The following ZNF75D variants were observed in gnomAD, a reference collection of about 807,000 sequenced individuals.
ZNF75D encodes zinc finger protein 75.
Under a neutral mutation model 33.3 loss-of-function variants are expected in ZNF75D, and 33 were observed. The observed-to-expected ratio is 0.99, with a 90% CI of 0.75 to 1.32. ZNF75D has a LOEUF of 1.32. Among genes scored for constraint, ZNF75D ranks in the 40% most tolerant of loss-of-function variants. The probability of loss-of-function intolerance (pLI) is 0.00; values close to 1 mark genes in which losing one functional copy is unlikely to be tolerated. For missense variants in ZNF75D, 338 were observed against 367.5 expected (o/e 0.92, Z 0.66); for synonymous variants, 113 against 130.6 (o/e 0.87, Z 0.92).
chrX:135,271,777 T>A (rs1466626455), intron 1 of ZNF75D, among the ~76,000 whole-genome samples: 1 of 111,759 alleles, frequency 8.9e-6, no homozygotes, highest in East Asian at 2.8e-4. Flanking sequence ...CTCACCACCC[T>A]GGGAGGAGGA....
intron 1 of ZNF75D, among the ~76,000 whole-genome samples, chrX:135,334,659 G>C (rs1234654027): frequency 9.0e-6 from 1 of 111,114 alleles, no homozygotes; most frequent in Non-Finnish European, 1.9e-5. Context: ...CTTCAAGCTA[G>C]TGCCAGCTTG....
intron 6 of ZNF75D, among the ~76,000 whole-genome samples, chrX:135,290,736 T>C (rs2084026303): frequency 1.8e-5 from 2 of 112,696 alleles, no homozygotes; most frequent in Admixed American, 9.4e-5. Flanking sequence ...CATGCTTTTA[T>C]GTTTTTTAGA....
At chrX:135,322,597 A>C (rs1199154812) in intron 1 of ZNF75D, among the ~76,000 whole-genome samples, 1 of 112,399 alleles carries the variant, frequency 8.9e-6, no homozygotes, top group Non-Finnish European at 1.9e-5. Flanking sequence ...ATAGATACAG[A>C]TAATGGGTTT....
At chrX:135,310,794 C>T (rs141936199) in intron 1 of ZNF75D, among the ~76,000 whole-genome samples, 2,452 of 111,388 alleles carry the variant, frequency 0.022, 34 homozygotes, top group Non-Finnish European at 0.033. Context: ...GTCCATTTAA[C>T]TCTCCTCCCT....
intron 1 of ZNF75D, among the ~76,000 whole-genome samples, chrX:135,321,843 T>C (rs1350175486): frequency 8.9e-6 from 1 of 112,021 alleles, no homozygotes; most frequent in African/African-American, 3.2e-5. Flanking sequence ...TTTGCATAAC[T>C]TCGGTAATAG....
intron 1 of ZNF75D, among the ~76,000 whole-genome samples, chrX:135,315,373 C>T (rs2084407346): frequency 8.9e-6 from 1 of 111,883 alleles, no homozygotes; most frequent in African/African-American, 3.2e-5. Context: ...ATACTCTATC[C>T]TGGAGAATGT....
intron 1 of ZNF75D, among the ~76,000 whole-genome samples, chrX:135,325,942 C>T (rs1347915476): frequency 8.9e-6 from 1 of 112,785 alleles, no homozygotes; most frequent in African/African-American, 3.2e-5. Flanking sequence ...ACGTGGAGAA[C>T]CTTTATGTCT....
chrX:135,329,120 C>T, intron 1 of ZNF75D, among the ~76,000 whole-genome samples: 1 of 112,293 alleles, frequency 8.9e-6, no homozygotes, highest in Non-Finnish European at 1.9e-5. Context: ...GAACTTCCAT[C>T]ATCACTATGC....
chrX:135,263,841 C>T (rs782040899), intron 1 of ZNF75D, among the ~76,000 whole-genome samples: 1 of 112,536 alleles, frequency 8.9e-6, no homozygotes, highest in Admixed American at 9.3e-5. Context: ...CAACCAGTCC[C>T]AGTGAGATGA....
intron 1 of ZNF75D, among the ~76,000 whole-genome samples, chrX:135,337,952 G>A (rs2084735550): frequency 9.0e-6 from 1 of 110,500 alleles, no homozygotes; most frequent in South Asian, 3.9e-4. Context: ...GAAAGATGAT[G>A]CAATTTGAGG....
In ZNF75D at chrX:135,342,395, A is replaced by C. The variant is rs1454538296; in HGVS notation, c.-1018T>G. 5 of 112,163 alleles carry C rather than the reference A, an allele frequency of 4.5e-5. No homozygotes were observed. Among genetic ancestry groups the C allele is most frequent in the Non-Finnish European group, 9.4e-5 (5 of 53,231 alleles). The allele number at this position is 112,163 out of a possible 1,213,427, so 9.2% of individuals were successfully genotyped here. On this transcript the variant is annotated 5_prime_UTR_variant, in exon 1 of 7. The change creates a new upstream start codon in the 5' untranslated region. Coordinates refer to ENST00000370766, the MANE Select transcript of ZNF75D (RefSeq NM_007131.5). ...AAATTATGACAGGAATCTGCGTGTA[A>C]ATCTTCAATAGAAAACCAGAGTCTG...
chrX:135,332,132 CAAG>C (rs1183022707), intron 1 of ZNF75D, among the ~76,000 whole-genome samples: 3 of 111,133 alleles, frequency 2.7e-5, no homozygotes, highest in African/African-American at 9.8e-5. Context: ...GCAGGTAGGC[CAAG>C]AAGGAGTAAA....
chrX:135,275,122 AG>A (rs2083895117), intron 1 of ZNF75D, among the ~76,000 whole-genome samples: 1 of 112,811 alleles, frequency 8.9e-6, no homozygotes, highest in Non-Finnish European at 1.9e-5. Context: ...ATGTAGAAAA[AG>A]TTAAGATAAT....
intron 1 of ZNF75D, among the ~76,000 whole-genome samples, chrX:135,339,537 C>A (rs911062913): frequency 8.9e-6 from 1 of 112,448 alleles, no homozygotes; most frequent in Admixed American, 9.3e-5. Context: ...GGATGTGGGG[C>A]AGCATGCCAT....
intron 1 of ZNF75D, among the ~76,000 whole-genome samples, chrX:135,306,834 T>G (rs1272658478): frequency 8.9e-6 from 1 of 112,335 alleles, no homozygotes; most frequent in Non-Finnish European, 1.9e-5. Context: ...ATTTCTATGA[T>G]ATTCCCTATT....
Position 135,287,689 on chromosome X carries a change from C to T in ZNF75D, c.981G>A (p.Gln327=). The stretch of plus-strand genomic sequence containing the variant: ...TCCTTGGAAAAGCTCGATGCCATTT[C>T]TGTACACTGTGTGTATCACCAGGAT... ...RENPGDTHSV[Q]KWHRAFPRKK... Residue 327 remains glutamine, a synonymous_variant, in exon 7 of 7, where the codon CAG becomes CAA. Coordinates refer to ENST00000370766, the MANE Select transcript of ZNF75D (RefSeq NM_007131.5). The T allele has an allele frequency of 2.5e-6, 3 of 1,211,744 alleles. No homozygotes were observed. The highest frequency in any genetic ancestry group is 3.4e-6 in the Non-Finnish European group (3 of 895,509).
intron 1 of ZNF75D, among the ~76,000 whole-genome samples, chrX:135,322,087 C>A (rs148697332): frequency 1.8e-5 from 2 of 111,877 alleles, no homozygotes; most frequent in Admixed American, 9.5e-5. Context: ...TGAATAAATG[C>A]GAGTCTCACC....
At chrX:135,257,981 G>A (rs1602580116) in intron 1 of ZNF75D, among the ~76,000 whole-genome samples, 1 of 107,930 alleles carries the variant, frequency 9.3e-6, no homozygotes, top group African/African-American at 3.3e-5. Context: ...CCACCCAACA[G>A]GCCCTGGTGT....
rs67277814 is a variant in ZNF75D at position 135,318,089 on chromosome X, T to TATATA, written c.-390-22051_-390-22050insTATAT. On this transcript the variant is annotated intron_variant, in intron 1 of 6. Coordinates refer to ENST00000370766, the MANE Select transcript of ZNF75D (RefSeq NM_007131.5). ...TGGCTTGATATATATATATATATAT[T>TATATA]TTTTTTTTTTTTTTGCGTATTGACA... Among the ~76,000 whole-genome samples the TATATA allele has an allele frequency of 2.6e-3, 218 of 83,351 alleles. 2 individuals are homozygous for TATATA. The highest frequency in any genetic ancestry group is 4.9e-3 in the African/African-American group (102 of 20,978). The allele number at this position is 83,351 out of a possible 115,157, so 72.4% of individuals were successfully genotyped here. A position where few individuals can be genotyped will look rare whatever the true frequency, so the allele number is the denominator to read the frequency against.
Sources: allele counts gnomAD v4.1 joint callset (sites outside exome capture counted in the v4.1 genomes callset), GRCh38; gene constraint gnomAD v4.1.1; transcripts MANE v1.5; gene names NCBI Gene and HGNC (gene_info 2026-07-23, HGNC 2026-07-21).